TXNL4A: variants seen among roughly 807,000 people sequenced by gnomAD.
TXNL4A encodes the protein thioredoxin like 4A.
TXNL4A carries 17 observed loss-of-function variants against 14.6 expected under a neutral mutation model. That is an observed-to-expected ratio of 1.16 (90% CI 0.80 to 1.74). The LOEUF is 1.74. Ranked by LOEUF, TXNL4A falls within the 40% of genes most tolerant of loss-of-function variation. The pLI, the probability that TXNL4A is intolerant of heterozygous loss-of-function variation, is 0.00. For missense variants in TXNL4A, 74 were observed against 195.2 expected (o/e 0.38, Z 3.70); for synonymous variants, 83 against 70.6 (o/e 1.18, Z -0.88).
chr18:79,999,444 G>A (rs1383856909), intron 1 of TXNL4A, among the ~76,000 whole-genome samples: 1 of 149,564 alleles, frequency 6.7e-6, no homozygotes, highest in African/African-American at 2.5e-5. Flanking sequence ...GTTGAAGCAG[G>A]AGAATTGCTT....
intron 1 of TXNL4A, among the ~76,000 whole-genome samples, chr18:79,999,476 C>G (rs772887820): frequency 2.2e-5 from 3 of 135,732 alleles, no homozygotes; most frequent in Non-Finnish European, 3.0e-5. Context: ...GTGGAGGTTA[C>G]AGTGAGCCAA....
At chr18:79,993,459 T>C (rs2051640931), upstream of TXNL4A, among the ~76,000 whole-genome samples, 1 of 152,238 alleles carries the variant, frequency 6.6e-6, no homozygotes, top group African/African-American at 2.4e-5. This position sits in a 1 kb window ranked among gnomAD's most constrained non-coding sequence, Gnocchi z 4.4. Flanking sequence ...TTTGGGATTT[T>C]GTCTTGCAAA....
At chr18:79,979,422 A>T (rs1474423116) in intron 1 of TXNL4A, 1 of 152,212 alleles carries the variant, frequency 6.6e-6, no homozygotes, top group Non-Finnish European at 1.5e-5. Flanking sequence ...GTGGGAGGCG[A>T]CTGGATCATG....
intron 1 of TXNL4A, among the ~76,000 whole-genome samples, chr18:80,004,036 G>A (rs1346136011): frequency 1.3e-5 from 2 of 151,878 alleles, no homozygotes; most frequent in Non-Finnish European, 2.9e-5. Flanking sequence ...ATGTCAGATA[G>A]GTCACTGGTC....
rs1369541639 is a variant in TXNL4A, at chr18:79,975,227, A to C, written c.258-1371T>G. On this transcript the variant is annotated intron_variant, in intron 2 of 2. Transcript: ENST00000269601. ...GCTAATTTACTCAGCTGTTTCTATC[A>C]GACAACGTCCTATGAGAGTGGGAAT... Among the ~76,000 whole-genome samples the C allele has an allele frequency of 2.0e-5, 3 of 152,208 alleles. No individual in the cohort carries two copies. The East Asian group carries it at 5.8e-4, about 29-fold the overall frequency.
chr18:80,017,692 C>G (rs1370907538), intron 1 of TXNL4A, among the ~76,000 whole-genome samples: 7 of 150,288 alleles, frequency 4.7e-5, no homozygotes, highest in African/African-American at 1.7e-4. Flanking sequence ...TTGAACCAGC[C>G]TTGCATCCCA....
At chr18:80,027,390 C>T (rs76032771) in intron 1 of TXNL4A, among the ~76,000 whole-genome samples, 7 of 152,018 alleles carry the variant, frequency 4.6e-5, no homozygotes, top group South Asian at 4.1e-4. Context: ...TAAATAATAT[C>T]GCAATACCCA....
rs574662007 is a variant in TXNL4A at position 79,993,681 on chromosome 18, C to T, written c.-60-15980G>A. On this transcript the variant is annotated intron_variant, in intron 1 of 2. Coordinates refer to the TXNL4A transcript ENST00000585474. The surrounding 1 kb of genome is among the most constrained non-coding windows in gnomAD (Gnocchi z 4.4). ...ATTTGACCAACTCCAAACCCTCTAGCTTATGAGTGTGGAATTTTCTAAAGA... is the reference window on the plus strand; with the variant it reads ...ATTTGACCAACTCCAAACCCTCTAGTTTATGAGTGTGGAATTTTCTAAAGA... 6.6e-6 allele frequency among the ~76,000 whole-genome samples: 1 copy of T among 152,264 alleles called. No homozygotes were observed. Among genetic ancestry groups the T allele is most frequent in the African/African-American group, 2.4e-5 (1 of 41,540 alleles).
intron 1 of TXNL4A, among the ~76,000 whole-genome samples, chr18:80,003,713 C>T (rs1390050808): frequency 6.6e-6 from 1 of 152,084 alleles, no homozygotes; most frequent in East Asian, 1.9e-4. Context: ...TGAAAAAACA[C>T]CTGAGAATAG....
intron 1 of TXNL4A, among the ~76,000 whole-genome samples, chr18:80,027,676 A>G (rs1380727459): frequency 2.0e-5 from 3 of 152,170 alleles, no homozygotes; most frequent in Non-Finnish European, 4.4e-5. Flanking sequence ...TATGTAGGTG[A>G]CCTTCTCCTT....
upstream of TXNL4A, chr18:79,988,641 T>A (rs1018271066): frequency 2.1e-5 from 7 of 332,272 alleles, no homozygotes; most frequent in Admixed American, 5.0e-5. Context: ...GGCATGTGCG[T>A]ATAGGCGCCG....
At chr18:80,032,826 A>T (rs11081586) in intron 1 of TXNL4A, among the ~76,000 whole-genome samples, 1 of 152,120 alleles carries the variant, frequency 6.6e-6, no homozygotes, top group Admixed American at 6.5e-5. Context: ...GGCGGCAGAG[A>T]GAGATTCCAT....
At chr18:79,991,204 C>T (rs562964909), upstream of TXNL4A, among the ~76,000 whole-genome samples, 1 of 151,650 alleles carries the variant, frequency 6.6e-6, no homozygotes, top group African/African-American at 2.4e-5. Context: ...GTTGTGGAAC[C>T]AATACCACAA....
chr18:79,981,651 G>T (rs1249346460), intron 1 of TXNL4A, among the ~76,000 whole-genome samples: 1 of 152,202 alleles, frequency 6.6e-6, no homozygotes, highest in African/African-American at 2.4e-5. Context: ...CAGCCTGAAG[G>T]ACAAAGCGAG....
chr18:79,991,897 C>T (rs113553740), upstream of TXNL4A, among the ~76,000 whole-genome samples: 4,778 of 152,204 alleles, frequency 0.031, 111 homozygotes, highest in Non-Finnish European at 0.045. Context: ...CCGAGGTGGT[C>T]GGGGCACAGC....
rs747418263 is a variant in TXNL4A, at chr18:80,011,267, C to T, written c.-61+22584G>A. Among the ~76,000 whole-genome samples, 2 of 152,114 alleles carry T rather than the reference C, an allele frequency of 1.3e-5. No homozygotes were observed. The highest frequency in any genetic ancestry group is 2.1e-4 in the South Asian group (1 of 4,826). ...AAAAAGGGATTGTAGCCAACTGGGA[C>T]GGGAGTTTGCATTTTCCCTTAATTT... On this transcript the variant is annotated intron_variant, in intron 1 of 2. Coordinates refer to the TXNL4A transcript ENST00000585474. This position sits in a 1 kb window ranked among gnomAD's most constrained non-coding sequence, Gnocchi z 4.1.
intron 1 of TXNL4A, among the ~76,000 whole-genome samples, chr18:80,014,055 C>A (rs1053983399): frequency 6.6e-6 from 1 of 152,076 alleles, no homozygotes. Context: ...GAGGAAAGAC[C>A]AGCCCCCATG....
intron 1 of TXNL4A, among the ~76,000 whole-genome samples, chr18:79,987,181 A>T (rs1408436492): frequency 6.6e-6 from 1 of 152,260 alleles, no homozygotes; most frequent in East Asian, 1.9e-4. Flanking sequence ...AGAATCACAG[A>T]TGCATTCTAG....
chr18:80,005,798 C>T (rs948913516), intron 1 of TXNL4A, among the ~76,000 whole-genome samples: 2 of 152,174 alleles, frequency 1.3e-5, no homozygotes, highest in Non-Finnish European at 2.9e-5. Context: ...CCTGTAATCC[C>T]AGCTACTTGG....
Sources: allele counts gnomAD v4.1 joint callset (sites outside exome capture counted in the v4.1 genomes callset), GRCh38; gene constraint gnomAD v4.1.1; non-coding constraint Gnocchi (gnomAD v3.1); transcripts MANE v1.5; gene names NCBI Gene and HGNC (gene_info 2026-07-23, HGNC 2026-07-21).